CDH4: variants seen among roughly 807,000 people sequenced by gnomAD.
CDH4 encodes cadherin-4.
A neutral mutation model predicts 86.0 loss-of-function variants in CDH4; 33 were observed. The ratio of observed to expected loss-of-function variants is 0.38; its 90% CI spans 0.29 to 0.51. CDH4 has a LOEUF of 0.51. CDH4 is among the 20% of genes least tolerant of loss of function. The pLI is 0.86. For synonymous variants in CDH4, 555 were observed against 549.4 expected (o/e 1.01, Z -0.14); for missense variants, 1,114 against 1,307.4 (o/e 0.85, Z 2.28).
At chr20:61,678,976 T>G (rs929206420) in intron 2 of CDH4, among the ~76,000 whole-genome samples, 4 of 151,994 alleles carry the variant, frequency 2.6e-5, no homozygotes, top group South Asian at 2.1e-4. Flanking sequence ...AGAGGGAGAG[T>G]ATGAAAATGA....
intron 2 of CDH4, among the ~76,000 whole-genome samples, chr20:61,683,518 A>G (rs2087542457): frequency 6.6e-6 from 1 of 152,160 alleles, no homozygotes; most frequent in African/African-American, 2.4e-5. Context: ...AGATGGTACC[A>G]GAACGGGGTG....
chr20:61,866,911 G>T (rs1173771495), intron 6 of CDH4, among the ~76,000 whole-genome samples: 1 of 152,264 alleles, frequency 6.6e-6, no homozygotes, highest in Non-Finnish European at 1.5e-5. Context: ...CTTGTTGCCA[G>T]AGAGTGGGAT....
chr20:61,324,842 G>C (rs1345151560), intron 2 of CDH4, among the ~76,000 whole-genome samples: 1 of 152,166 alleles, frequency 6.6e-6, no homozygotes. Context: ...CATTTATAGA[G>C]GGTGTGGCAG....
intron 2 of CDH4, among the ~76,000 whole-genome samples, chr20:61,545,447 C>G (rs1344836041): frequency 6.6e-6 from 1 of 152,212 alleles, no homozygotes. Flanking sequence ...GACGCTGACC[C>G]CGGCGCTCCC....
At chr20:61,492,280 TTGG>T (rs751753640) in intron 2 of CDH4, among the ~76,000 whole-genome samples, 8 of 151,458 alleles carry the variant, frequency 5.3e-5, no homozygotes, top group African/African-American at 7.3e-5. Context: ...ATTGTTGATG[TTGG>T]TGGTGTTGAT....
intron 2 of CDH4, among the ~76,000 whole-genome samples, chr20:61,707,897 G>A (rs2087849289): frequency 6.6e-6 from 1 of 152,168 alleles, no homozygotes; most frequent in African/African-American, 2.4e-5. Flanking sequence ...TCTCAGCTCG[G>A]GAATGTGTCT....
chr20:61,440,522 T>A (rs2085308406), intron 2 of CDH4, among the ~76,000 whole-genome samples: 1 of 152,236 alleles, frequency 6.6e-6, no homozygotes, highest in Non-Finnish European at 1.5e-5. Flanking sequence ...AATACATCTA[T>A]TTTTGCAAAA....
intron 2 of CDH4, among the ~76,000 whole-genome samples, chr20:61,536,517 C>A (rs1004338323): frequency 6.6e-6 from 1 of 152,040 alleles, no homozygotes; most frequent in East Asian, 1.9e-4. Context: ...TGATAACCCA[C>A]GAAACTCAAG....
chr20:61,801,856 T>C (rs1979847421), intron 4 of CDH4, among the ~76,000 whole-genome samples: 1 of 152,206 alleles, frequency 6.6e-6, no homozygotes, highest in Non-Finnish European at 1.5e-5. Context: ...CCCTGGGAAA[T>C]CCAGGATGGG....
chr20:61,848,160 C>T (rs551121582), intron 5 of CDH4, among the ~76,000 whole-genome samples: 3 of 152,350 alleles, frequency 2.0e-5, no homozygotes, highest in African/African-American at 7.2e-5. Flanking sequence ...GGACCAGGGA[C>T]CTGGGTCCCA....
intron 2 of CDH4, among the ~76,000 whole-genome samples, chr20:61,551,131 C>T (rs1008785919): frequency 6.6e-6 from 1 of 152,216 alleles, no homozygotes; most frequent in Non-Finnish European, 1.5e-5. Flanking sequence ...GAAAGAATGT[C>T]TATGAAGCAC....
intron 2 of CDH4, among the ~76,000 whole-genome samples, chr20:61,296,243 ATG>A (rs1325346776): frequency 1.2e-3 from 138 of 116,772 alleles, no homozygotes; most frequent in African/African-American, 3.6e-3. Flanking sequence ...GAGTGTGTGT[ATG>A]TGTGTGTGCA....
At chr20:61,338,582 G>T (rs1287160784) in intron 2 of CDH4, among the ~76,000 whole-genome samples, 1 of 152,118 alleles carries the variant, frequency 6.6e-6, no homozygotes, top group Non-Finnish European at 1.5e-5. Context: ...CTCTGACCTG[G>T]ATTTAACTTT....
chr20:61,933,195 A>ATTG, intron 14 of CDH4, 71 bp downstream of exon 14: 1 of 1,562,112 alleles, frequency 6.4e-7, no homozygotes, highest in Non-Finnish European at 8.7e-7. Context: ...CTCAGCAGGG[A>ATTG]TTGCCCTGGG....
chr20:61,426,078 C>T (rs80253999), intron 2 of CDH4, among the ~76,000 whole-genome samples: 3,062 of 152,174 alleles, frequency 0.02, 104 homozygotes, highest in African/African-American at 0.069. Context: ...TAACTCATTG[C>T]AGTTAAAAAA....
At chr20:61,830,068 G>A (rs1981522182) in intron 4 of CDH4, among the ~76,000 whole-genome samples, 1 of 150,778 alleles carries the variant, frequency 6.6e-6, no homozygotes, top group Admixed American at 6.6e-5. Context: ...TACCTTCATG[G>A]GGACTGCCCC....
At chr20:61,694,132 G>C (rs1175584739) in intron 2 of CDH4, among the ~76,000 whole-genome samples, 1 of 152,030 alleles carries the variant, frequency 6.6e-6, no homozygotes, top group Non-Finnish European at 1.5e-5. Context: ...GACCTCAGGA[G>C]ATCCACTCTC....
chr20:61,654,051 C>T lies in CDH4; in HGVS notation c.170-89512C>T, dbSNP rs2087159666. ...GGCCGGGCAGAGGCTGCAATCTTGGCACTTTGGGAGGCCAAGGCAGGCGGC... is the reference window on the plus strand; with the variant it reads ...GGCCGGGCAGAGGCTGCAATCTTGGTACTTTGGGAGGCCAAGGCAGGCGGC... On this transcript the variant is annotated intron_variant, in intron 2 of 15. Coordinates refer to ENST00000614565, the MANE Select transcript of CDH4 (RefSeq NM_001794.5). Among the ~76,000 whole-genome samples the T allele has an allele frequency of 2.0e-5, 3 of 151,980 alleles. No homozygotes were observed. The South Asian group carries it at 6.2e-4, about 32-fold the overall frequency.
intron 3 of CDH4, among the ~76,000 whole-genome samples, chr20:61,768,384 A>G (rs1212626769): frequency 6.6e-6 from 1 of 152,198 alleles, no homozygotes; most frequent in Non-Finnish European, 1.5e-5. Context: ...ATGCATGCAT[A>G]CATGTGTGCA....
Sources: allele counts gnomAD v4.1 joint callset (sites outside exome capture counted in the v4.1 genomes callset), GRCh38; gene constraint gnomAD v4.1.1; transcripts MANE v1.5; gene names NCBI Gene and HGNC (gene_info 2026-07-23, HGNC 2026-07-21).